ARHGAP32: variants seen among roughly 807,000 people sequenced by gnomAD.
ARHGAP32 encodes rho GTPase-activating protein 32.
In ARHGAP32, 51 loss-of-function variants were observed where a neutral mutation model predicts 186.5. The ratio of observed to expected loss-of-function variants is 0.27; its 90% CI spans 0.22 to 0.35. The LOEUF is 0.35. Ranked by LOEUF, ARHGAP32 falls within the 10% of genes least tolerant of loss-of-function variation. The probability of loss-of-function intolerance (pLI) is 1.00; values close to 1 mark genes in which losing one functional copy is unlikely to be tolerated. For synonymous variants in ARHGAP32, 950 were observed against 964.3 expected, an observed-to-expected ratio of 0.99 and a Z score of 0.27; for missense variants, 2,186 against 2,623.5, an observed-to-expected ratio of 0.83 and a Z score of 3.64.
chr11:129,200,322 C>T (rs960921283), intron 1 of ARHGAP32, among the ~76,000 whole-genome samples: 4 of 152,092 alleles, frequency 2.6e-5, no homozygotes, highest in Non-Finnish European at 5.9e-5. Flanking sequence ...GTGTCCCCAC[C>T]CAAATCTCAT....
chr11:129,082,915 A>C (rs1255637718), intron 6 of ARHGAP32, among the ~76,000 whole-genome samples: 4 of 151,570 alleles, frequency 2.6e-5, no homozygotes, highest in Admixed American at 6.6e-5. Flanking sequence ...ACAACAACAA[A>C]TAATTCCACC....
Position 128,981,398 on chromosome 11 carries a change from G to A in ARHGAP32, c.1780+18C>T, listed in dbSNP as rs1252777505. ...CTGAGACACACCCTCCTGGTAGGAA[G>A]GGCCATCGGAGCCGTACCTGCCCCC... On this transcript the variant is annotated intron_variant, in intron 17 of 22. Coordinates refer to ENST00000682385, the MANE Select transcript of ARHGAP32 (RefSeq NM_001378024.1). 1 of 1,563,082 alleles carries A rather than the reference G, an allele frequency of 6.4e-7. No homozygotes were observed. Among genetic ancestry groups the A allele is most frequent in the African/African-American group, 1.4e-5 (1 of 73,626 alleles).
At chr11:129,079,930 C>G (rs565738245) in intron 6 of ARHGAP32, among the ~76,000 whole-genome samples, 1,772 of 152,184 alleles carry the variant, frequency 0.012, 33 homozygotes, top group African/African-American at 0.04. Flanking sequence ...CAAAGGGACA[C>G]CAAAAGTGAG....
intron 1 of ARHGAP32, among the ~76,000 whole-genome samples, chr11:129,251,769 CAAA>C (rs36087262): frequency 2.1e-5 from 3 of 140,166 alleles, no homozygotes; most frequent in Admixed American, 7.2e-5. Flanking sequence ...ATTAAAAATA[CAAA>C]AAAAAAAAAA....
chr11:129,035,472 A>G (rs967751632), intron 11 of ARHGAP32, among the ~76,000 whole-genome samples: 2 of 152,230 alleles, frequency 1.3e-5, no homozygotes, highest in African/African-American at 4.8e-5. Context: ...AGTTGTTTAT[A>G]CCGTAGGCAA....
intron 10 of ARHGAP32, among the ~76,000 whole-genome samples, chr11:129,045,228 C>T (rs1236499321): frequency 2.6e-5 from 4 of 152,214 alleles, no homozygotes; most frequent in African/African-American, 9.6e-5. Context: ...ACTATCCTGT[C>T]TCCTCCTCTG....
chr11:129,179,080 CTCA>C (rs1943988438), intron 1 of ARHGAP32, among the ~76,000 whole-genome samples: 1 of 151,278 alleles, frequency 6.6e-6, no homozygotes, highest in Non-Finnish European at 1.5e-5. Flanking sequence ...CTACAATGAA[CTCA>C]AACAAATTTA....
At chr11:129,247,505 G>A (rs1638608617) in intron 1 of ARHGAP32, among the ~76,000 whole-genome samples, 1 of 151,960 alleles carries the variant, frequency 6.6e-6, no homozygotes, top group South Asian at 2.1e-4. Flanking sequence ...AAATAAAAAT[G>A]TACCAAATTA....
chr11:128,985,932 C>T, intron 15 of ARHGAP32, 71 bp downstream of exon 15: 6 of 897,412 alleles, frequency 6.7e-6, no homozygotes, highest in Admixed American at 4.2e-5. Flanking sequence ...AATAGAAATC[C>T]AAAGGAAAAA....
At chr11:129,003,387 T>C (rs953466762) in intron 11 of ARHGAP32, among the ~76,000 whole-genome samples, 1 of 152,212 alleles carries the variant, frequency 6.6e-6, no homozygotes, top group Non-Finnish European at 1.5e-5. Flanking sequence ...CAGTGTAATA[T>C]TGGCTTTGTA....
intron 14 of ARHGAP32, 131 bp downstream of exon 14, chr11:128,986,393 T>C: frequency 1.0e-6 from 1 of 966,408 alleles, no homozygotes; most frequent in East Asian, 2.6e-5. Context: ...CTGGCAATAT[T>C]TGTTTTTTTA....
upstream of ARHGAP32, among the ~76,000 whole-genome samples, chr11:129,192,414 C>T (rs936542225): frequency 2.6e-5 from 4 of 152,126 alleles, no homozygotes; most frequent in Admixed American, 2.6e-4. Flanking sequence ...CACCTAGACC[C>T]TCCCACTGCC....
chr11:129,233,351 A>G (rs1405541070), intron 1 of ARHGAP32, among the ~76,000 whole-genome samples: 1 of 152,172 alleles, frequency 6.6e-6, no homozygotes, highest in Non-Finnish European at 1.5e-5. Flanking sequence ...TTACTTTTGT[A>G]TATGTTTGAG....
At chr11:129,017,572 T>C (rs897565766) in intron 11 of ARHGAP32, among the ~76,000 whole-genome samples, 4 of 152,074 alleles carry the variant, frequency 2.6e-5, no homozygotes, top group Non-Finnish European at 5.9e-5. Context: ...ACTTAATAAA[T>C]GTGCTATTGT....
intron 1 of ARHGAP32, among the ~76,000 whole-genome samples, chr11:129,168,683 C>T (rs1397061237): frequency 2.6e-5 from 4 of 151,958 alleles, no homozygotes; most frequent in Non-Finnish European, 5.9e-5. Flanking sequence ...GAACACTAAA[C>T]CCAACAACTA....
chr11:129,266,981 G>C (rs1591386757), intron 1 of ARHGAP32, among the ~76,000 whole-genome samples: 1 of 152,200 alleles, frequency 6.6e-6, no homozygotes, highest in Non-Finnish European at 1.5e-5. Flanking sequence ...CTGCTGTTTG[G>C]AGGGTGTACA....
intron 5 of ARHGAP32, among the ~76,000 whole-genome samples, chr11:129,094,682 T>C (rs1435020802): frequency 1.3e-5 from 2 of 152,226 alleles, no homozygotes; most frequent in Non-Finnish European, 1.5e-5. Context: ...TTAATTGTCA[T>C]TCATCATGCT....
At chr11:129,156,035 C>T (rs950560567) in intron 2 of ARHGAP32, among the ~76,000 whole-genome samples, 4 of 152,218 alleles carry the variant, frequency 2.6e-5, no homozygotes. Context: ...GAAGACTGTG[C>T]CGTGAGAAAC....
chr11:129,164,289 T>A (rs1475104838), intron 2 of ARHGAP32, 30 bp downstream of exon 2: 1 of 1,259,236 alleles, frequency 7.9e-7, no homozygotes, highest in Non-Finnish European at 1.1e-6. Flanking sequence ...TATATATGTA[T>A]ATATGAACAA....
Sources: allele counts gnomAD v4.1 joint callset (sites outside exome capture counted in the v4.1 genomes callset), GRCh38; gene constraint gnomAD v4.1.1; transcripts MANE v1.5; gene names NCBI Gene and HGNC (gene_info 2026-07-23, HGNC 2026-07-21).